MPP4: variants seen among roughly 807,000 people sequenced by gnomAD.
MPP4 encodes the protein MAGUK p55 scaffold protein 4.
A neutral mutation model predicts 98.3 loss-of-function variants in MPP4; 91 were observed. The ratio of observed to expected loss-of-function variants is 0.93; its 90% CI spans 0.78 to 1.10. The LOEUF is 1.10. MPP4 is among the 50% of genes least tolerant of loss of function. MPP4 has a pLI of 0.00. For missense variants in MPP4, 744 were observed against 792.9 expected, an observed-to-expected ratio of 0.94 and a Z score of 0.74; for synonymous variants, 261 against 271.8, an observed-to-expected ratio of 0.96 and a Z score of 0.39.
chr2:201,657,101 A>T (rs11890273), intron 16 of MPP4, among the ~76,000 whole-genome samples: 3 of 152,014 alleles, frequency 2.0e-5, no homozygotes, highest in African/African-American at 4.8e-5. Flanking sequence ...TGTAAACCGT[A>T]GGGAGAGCAA....
intron 1 of MPP4, chr2:201,697,934 TC>T: frequency 1.0e-6 from 1 of 985,406 alleles, no homozygotes; most frequent in Non-Finnish European, 1.2e-6. Flanking sequence ...AGACTTACCT[TC>T]CTTTCCATGA....
At chr2:201,673,154 A>G (rs560794853) in intron 11 of MPP4, among the ~76,000 whole-genome samples, 194 of 152,326 alleles carry the variant, frequency 1.3e-3, no homozygotes, top group African/African-American at 4.5e-3. Context: ...AAGGCCTTTG[A>G]TAAAATTCAA....
At chr2:201,675,314 C>T (rs892987896) in intron 10 of MPP4, 43 bp from the exon 11 acceptor site, 5 of 1,566,966 alleles carry the variant, frequency 3.2e-6, no homozygotes, top group Non-Finnish European at 3.5e-6. Flanking sequence ...CAAACAAAAA[C>T]CACTCTTTGT....
chr2:201,647,377 A>G (rs547396614), intron 21 of MPP4, among the ~76,000 whole-genome samples: 15 of 152,344 alleles, frequency 9.8e-5, no homozygotes, highest in Non-Finnish European at 1.3e-4. Context: ...AAAGTAAAAA[A>G]TAAGGGTAGC....
chr2:201,657,614 T>TTTTTTTG (rs1687893180), intron 16 of MPP4, among the ~76,000 whole-genome samples: 1 of 147,558 alleles, frequency 6.8e-6, no homozygotes, highest in Non-Finnish European at 1.5e-5. Context: ...TTTTTGTTTT[T>TTTTTTTG]TTTTGCTTAT....
At chr2:201,678,710 C>T (rs1235036129) in intron 10 of MPP4, among the ~76,000 whole-genome samples, 1 of 152,144 alleles carries the variant, frequency 6.6e-6, no homozygotes, top group Non-Finnish European at 1.5e-5. Context: ...AGCTTTCCTT[C>T]CACTGGGCCT....
intron 10 of MPP4, among the ~76,000 whole-genome samples, chr2:201,679,797 G>T (rs1688618279): frequency 6.6e-6 from 1 of 152,082 alleles, no homozygotes; most frequent in African/African-American, 2.4e-5. Flanking sequence ...ATTCTGCTCT[G>T]CTTTTTCCCA....
At chr2:201,664,238 G>C (rs1356582164) in intron 13 of MPP4, 137 bp from the exon 14 acceptor site, 1 of 1,489,974 alleles carries the variant, frequency 6.7e-7, no homozygotes, top group African/African-American at 1.4e-5. Flanking sequence ...CCTAAATCAA[G>C]GTCGAATCGA....
At chr2:201,654,811 C>T (rs181034495) in intron 18 of MPP4, 26 bp downstream of exon 18, 1 of 1,550,126 alleles carries the variant, frequency 6.5e-7, no homozygotes, top group Admixed American at 1.9e-5. Context: ...AAACACAAAC[C>T]ATTATGAAAG....
At chr2:201,662,942 A>G (rs890038260) in intron 14 of MPP4, among the ~76,000 whole-genome samples, 1 of 152,244 alleles carries the variant, frequency 6.6e-6, no homozygotes. Flanking sequence ...TGATGTCAAC[A>G]TTATTTTGAG....
chr2:201,687,517 C>T, intron 4 of MPP4, 146 bp from the exon 5 acceptor site: 1 of 611,378 alleles, frequency 1.6e-6, no homozygotes. Flanking sequence ...ATCTATAAAG[C>T]CATCCATTAA....
chr2:201,661,601 G>A (rs373123406), intron 14 of MPP4: 53 of 455,862 alleles, frequency 1.2e-4, no homozygotes, highest in African/African-American at 9.8e-4. Context: ...CTCCCCCAAG[G>A]AACAAGATTT....
At position 201,645,363 on chromosome 2, in the gene MPP4, C is replaced by T; in HGVS notation, c.1761G>A (p.Met587Ile). The T allele has an allele frequency of 6.2e-7, 1 of 1,613,976 alleles. No homozygotes were observed. The highest frequency in any genetic ancestry group is 8.5e-7 in the Non-Finnish European group (1 of 1,179,882). Residue 587 changes from methionine (M) to isoleucine (I), a missense_variant, in exon 22 of 22, where the codon ATG becomes ATA. By Grantham distance (10) the Met-to-Ile change is conservative. Coordinates refer to ENST00000409474, the MANE Select transcript of MPP4 (RefSeq NM_033066.3). ...LQEMENLAQR[M>I]ETQFGQFFDH... is the part of the protein sequence containing the mutation. The stretch of plus-strand genomic sequence containing the variant: ...CAAAAAATTGGCCAAACTGAGTTTC[C>T]ATTCTTTGGGCTAAATTTTCCATCT...
intron 1 of MPP4, among the ~76,000 whole-genome samples, chr2:201,694,587 T>C (rs1280331034): frequency 6.7e-6 from 1 of 150,200 alleles, no homozygotes; most frequent in African/African-American, 2.4e-5. Context: ...TTGTATAGAG[T>C]CTGGACAGTT....
rs142992568 is a variant in MPP4, at chr2:201,687,086, C to T, written c.360+205G>A. Among the ~76,000 whole-genome samples, 812 of 152,316 alleles carry T rather than the reference C, an allele frequency of 5.3e-3. 26 individuals are homozygous for T. Among genetic ancestry groups the T allele is most frequent in the Admixed American group, 0.049 (756 of 15,304 alleles). ...AAAGTTCTGGATGCCTCCTCATAAA[C>T]ACAGCAGGCTTGACTGCATGATTGA... is the stretch of plus-strand genomic sequence containing the variant. On this transcript the variant is annotated intron_variant, in intron 5 of 21. Coordinates refer to ENST00000409474, the MANE Select transcript of MPP4 (RefSeq NM_033066.3).
chr2:201,680,950 C>T lies in MPP4; in HGVS notation c.817G>A (p.Gly273Arg), dbSNP rs1688647904. Residue 273 changes from glycine to arginine, a missense_variant, in exon 10 of 22, where the codon GGG (glycine) becomes AGG (arginine). Transcript: ENST00000409474. ...CMDAGLPFQK[G>R]DILQIVDQND... ...TGGTCCACAATCTGGAGGATGTCCC[C>T]CTTCTGGAAAGGCAATCCAGCGTCC... 4 of 1,613,864 alleles carry T rather than the reference C, an allele frequency of 2.5e-6. No individual in the cohort carries two copies. The highest frequency in any genetic ancestry group is 1.7e-4 in the Middle Eastern group (1 of 6,060).
intron 20 of MPP4, among the ~76,000 whole-genome samples, chr2:201,648,971 C>T (rs1382837080): frequency 1.3e-5 from 2 of 151,904 alleles, no homozygotes; most frequent in African/African-American, 2.4e-5. Flanking sequence ...GGCTGAGGCA[C>T]GAGAATTGCT....
chr2:201,684,688 C>T (rs1288476162), intron 7 of MPP4, among the ~76,000 whole-genome samples: 3 of 152,142 alleles, frequency 2.0e-5, no homozygotes, highest in East Asian at 3.9e-4. Context: ...GTGTGGCTCA[C>T]GCCTATAGTC....
chr2:201,685,553 T>C (rs1409498973), intron 6 of MPP4, among the ~76,000 whole-genome samples: 1 of 152,240 alleles, frequency 6.6e-6, no homozygotes, highest in Non-Finnish European at 1.5e-5. Context: ...GATTAATGCC[T>C]TCCTTAGCTT....
Sources: gnomAD v4.1 joint callset for allele counts (sites outside exome capture counted in the v4.1 genomes callset) on GRCh38, gnomAD v4.1.1 for gene constraint, MANE v1.5 for transcripts, NCBI Gene and HGNC (gene_info 2026-07-23, HGNC 2026-07-21) for gene names.